The following KIZ variants were observed in gnomAD, a reference collection of about 807,000 sequenced individuals.
KIZ encodes the protein centrosomal protein kizuna.
KIZ carries 68 observed loss-of-function variants against 79.6 expected under a neutral mutation model. The observed-to-expected ratio is 0.85, with a 90% confidence interval of 0.70 to 1.05. KIZ has a LOEUF of 1.05. Among genes scored for constraint, KIZ ranks in the 50% least tolerant of loss-of-function variants. The pLI is 0.00. For missense variants in KIZ, 797 were observed against 800.4 expected (o/e 1.00, Z 0.05); for synonymous variants, 280 against 281.8 (o/e 0.99, Z 0.06).
intron 6 of KIZ, among the ~76,000 whole-genome samples, chr20:21,173,577 C>CA (rs749330317): frequency 0.12 from 4,364 of 37,172 alleles, 191 homozygotes; most frequent in East Asian, 0.27. Flanking sequence ...GATGCCGTCT[C>CA]AAAAAAAAAA....
At chr20:21,170,119 T>C (rs1337505488) in intron 6 of KIZ, among the ~76,000 whole-genome samples, 1 of 152,174 alleles carries the variant, frequency 6.6e-6, no homozygotes, top group African/African-American at 2.4e-5. Flanking sequence ...TAAGTCTGTT[T>C]TTGGTATGGG....
intron 6 of KIZ, among the ~76,000 whole-genome samples, chr20:21,192,991 G>A (rs1337621886): frequency 1.3e-5 from 2 of 152,108 alleles, no homozygotes; most frequent in South Asian, 2.1e-4. Flanking sequence ...TCTTCTTCCA[G>A]CAGGTCCAGA....
chr20:21,142,088 C>G (rs2032580433), intron 3 of KIZ, among the ~76,000 whole-genome samples: 1 of 151,198 alleles, frequency 6.6e-6, no homozygotes, highest in African/African-American at 2.5e-5. Context: ...CGCACACGTA[C>G]ACACACACTC....
At chr20:21,243,360 C>T (rs935154520) in intron 11 of KIZ, among the ~76,000 whole-genome samples, 2 of 151,744 alleles carry the variant, frequency 1.3e-5, no homozygotes, top group African/African-American at 4.8e-5. Context: ...CAAAAGTCAA[C>T]CACACTTGGC....
rs1399258581 is a variant in KIZ at position 21,126,281 on chromosome 20, C to A, written c.89+77C>A. 5.8e-6 allele frequency: 6 copies of A among 1,028,656 alleles called. No homozygotes were observed. In the African/African-American group the frequency reaches 1.0e-4, roughly 17 times the overall value. The allele number at this position is 1,028,656 out of a possible 1,614,324, so 63.7% of individuals were successfully genotyped here. The stretch of plus-strand genomic sequence containing the variant: ...GCGTGCCCTGCCCCATTTTCCTTCC[C>A]GCTCCCCCGTCCGAGGTTCCCCGGG... On this transcript the variant is annotated intron_variant, in intron 1 of 12. Coordinates refer to ENST00000619189, the MANE Select transcript of KIZ (RefSeq NM_018474.6).
intron 4 of KIZ, among the ~76,000 whole-genome samples, chr20:21,148,472 A>G (rs1266438300): frequency 6.6e-6 from 1 of 152,150 alleles, no homozygotes; most frequent in Non-Finnish European, 1.5e-5. Context: ...TGTTTCCACT[A>G]TTAATTTACT....
intron 11 of KIZ, among the ~76,000 whole-genome samples, chr20:21,243,957 C>T (rs2037305048): frequency 6.6e-6 from 1 of 152,190 alleles, no homozygotes; most frequent in Admixed American, 6.5e-5. Context: ...CATCCTCCCC[C>T]AAGAACACGT....
At chr20:21,156,787 G>A (rs1343453873) in intron 4 of KIZ, among the ~76,000 whole-genome samples, 2 of 151,924 alleles carry the variant, frequency 1.3e-5, no homozygotes, top group African/African-American at 4.8e-5. Context: ...CCCTCAAATG[G>A]TTCAGAAAAA....
intron 4 of KIZ, among the ~76,000 whole-genome samples, chr20:21,159,797 A>G (rs1158186195): frequency 2.6e-5 from 4 of 152,238 alleles, no homozygotes; most frequent in Non-Finnish European, 1.5e-5. Flanking sequence ...ACTTTTGGCT[A>G]TCATAAATAA....
At chr20:21,187,828 AT>A (rs1293924716) in intron 6 of KIZ, among the ~76,000 whole-genome samples, 7 of 152,232 alleles carry the variant, frequency 4.6e-5, no homozygotes, top group Non-Finnish European at 1.0e-4. Flanking sequence ...TGTCTAGTAA[AT>A]TCTTTATGAT....
intron 3 of KIZ, 123 bp downstream of exon 3, chr20:21,136,675 CT>C: frequency 1.6e-6 from 1 of 634,018 alleles, no homozygotes; most frequent in Admixed American, 3.6e-5. Context: ...TCAAGCAGTC[CT>C]CCTGTCTTAG....
At chr20:21,242,879 C>A (rs2037266152) in intron 11 of KIZ, among the ~76,000 whole-genome samples, 1 of 152,196 alleles carries the variant, frequency 6.6e-6, no homozygotes, top group Non-Finnish European at 1.5e-5. Flanking sequence ...GCAGAGATCT[C>A]TCCTGCTCCC....
intron 11 of KIZ, among the ~76,000 whole-genome samples, chr20:21,238,334 TGA>T (rs1555889283): frequency 2.6e-4 from 25 of 95,594 alleles, no homozygotes; most frequent in Admixed American, 4.4e-4. Flanking sequence ...CATAAGGGTG[TGA>T]GAGAGAGAGA....
At chr20:21,172,686 G>T (rs1214025547) in intron 6 of KIZ, among the ~76,000 whole-genome samples, 2 of 152,124 alleles carry the variant, frequency 1.3e-5, no homozygotes, top group Non-Finnish European at 2.9e-5. Flanking sequence ...ATAAGATAGT[G>T]GGGAAAGGTC....
intron 3 of KIZ, among the ~76,000 whole-genome samples, chr20:21,138,051 T>C (rs1219165065): frequency 6.8e-6 from 1 of 146,732 alleles, no homozygotes; most frequent in Non-Finnish European, 1.5e-5. Context: ...GAATTATGGG[T>C]TTGAGCCACT....
chr20:21,194,195 A>T (rs1217843006), intron 6 of KIZ: 1 of 152,182 alleles, frequency 6.6e-6, no homozygotes, highest in Non-Finnish European at 1.5e-5. Flanking sequence ...TAAGCTATGC[A>T]TCTTTAAAGT....
At position 21,162,475 on chromosome 20, in the gene KIZ, A is replaced by G; in HGVS notation, c.1010A>G (p.Gln337Arg). ...TGTGAATCTGAAAATAAGTGGTCTC[A>G]AGAGAAGCATTCTCCTTGGGAAGGT... ...EYCESENKWS[Q>R]EKHSPWEGVS... Residue 337 changes from glutamine (Q) to arginine (R), a missense_variant, in exon 5 of 13, where the codon CAA becomes CGA. Coordinates refer to ENST00000619189, the MANE Select transcript of KIZ (RefSeq NM_018474.6). 1 of 1,611,936 alleles carries G rather than the reference A, an allele frequency of 6.2e-7. No individual in the cohort carries two copies. The highest frequency in any genetic ancestry group is 2.2e-5 in the East Asian group (1 of 44,856).
intron 11 of KIZ, among the ~76,000 whole-genome samples, chr20:21,239,363 C>T (rs553269370): frequency 4.6e-5 from 7 of 152,304 alleles, no homozygotes; most frequent in African/African-American, 1.2e-4. Context: ...GTGTCTACAA[C>T]GTGTACATTT....
At chr20:21,224,923 T>A (rs547099726) in intron 9 of KIZ, among the ~76,000 whole-genome samples, 74 of 152,350 alleles carry the variant, frequency 4.9e-4, no homozygotes, top group African/African-American at 1.6e-3. Context: ...CACCTCTTTA[T>A]TCAGCATGTT....
Sources: allele counts gnomAD v4.1 joint callset (sites outside exome capture counted in the v4.1 genomes callset), GRCh38; gene constraint gnomAD v4.1.1; transcripts MANE v1.5; gene names NCBI Gene and HGNC (gene_info 2026-07-23, HGNC 2026-07-21).